NHEJ1: variants seen among roughly 807,000 people sequenced by gnomAD.
NHEJ1 encodes non-homologous end-joining factor 1.
NHEJ1 carries 22 observed loss-of-function variants against 39.4 expected under a neutral mutation model. The observed-to-expected ratio is 0.56, with a 90% CI of 0.40 to 0.80. The LOEUF (loss-of-function observed/expected upper bound fraction) is 0.80, where lower values mean the gene tolerates loss of function less well. NHEJ1 is among the 30% of genes least tolerant of loss of function. The probability of loss-of-function intolerance (pLI) is 0.00; values close to 1 mark genes in which losing one functional copy is unlikely to be tolerated. For missense variants in NHEJ1, 329 were observed against 357.1 expected (o/e 0.92, Z 0.63); for synonymous variants, 154 against 135.6 (o/e 1.14, Z -0.94).
chr2:219,153,214 C>T lies in NHEJ1; in HGVS notation c.390+4258G>A, dbSNP rs533954905. 9.9e-5 allele frequency among the ~76,000 whole-genome samples: 15 copies of T among 152,228 alleles called. No individual in the cohort carries two copies. In the East Asian group the frequency reaches 2.3e-3, roughly 23 times the overall value. On this transcript the variant is annotated intron_variant, in intron 3 of 7. Coordinates refer to ENST00000356853, the MANE Select transcript of NHEJ1 (RefSeq NM_024782.3). ...CATATGTTCTTTTATTTAATCCTTA[C>T]GACTAGACAGTAAGGTTGTGGTTGA...
At position 219,076,987 on chromosome 2, in the gene NHEJ1, G is replaced by A. The variant is rs111493672; in HGVS notation, c.825+259C>T. Among the ~76,000 whole-genome samples, 24 of 152,274 alleles carry A rather than the reference G, an allele frequency of 1.6e-4. No homozygotes were observed. The South Asian group carries it at 1.7e-3, about 11-fold the overall frequency. On this transcript the variant is annotated intron_variant, in intron 7 of 7. Coordinates refer to ENST00000356853, the MANE Select transcript of NHEJ1 (RefSeq NM_024782.3). Reference sequence around the variant, plus strand: ...CGCTGACTATCACTGGTCATCACTGGCCATCACCGGAAGTGGGATAAGGTG... The same window carrying A: ...CGCTGACTATCACTGGTCATCACTGACCATCACCGGAAGTGGGATAAGGTG...
At chr2:219,080,907 C>T (rs1353600841) in intron 5 of NHEJ1, among the ~76,000 whole-genome samples, 1 of 151,978 alleles carries the variant, frequency 6.6e-6, no homozygotes, top group East Asian at 1.9e-4. Context: ...TAAGTGGTGG[C>T]ACAGGGTTAG....
chr2:219,098,029 G>A (rs1559190131), intron 5 of NHEJ1, among the ~76,000 whole-genome samples: 1 of 152,208 alleles, frequency 6.6e-6, no homozygotes, highest in Non-Finnish European at 1.5e-5. Context: ...AAAGTATGTC[G>A]AGAAGGACTG....
intron 5 of NHEJ1, among the ~76,000 whole-genome samples, chr2:219,104,762 T>C (rs1949299381): frequency 6.6e-6 from 1 of 152,206 alleles, no homozygotes; most frequent in Non-Finnish European, 1.5e-5. Flanking sequence ...TTGAAAATGT[T>C]CTCAAGAGGG....
chr2:219,123,803 T>TA (rs1949492323), intron 5 of NHEJ1, among the ~76,000 whole-genome samples: 1 of 152,226 alleles, frequency 6.6e-6, no homozygotes, highest in Admixed American at 6.5e-5. Context: ...GAGAGGCCTG[T>TA]AGGCCTAGCC....
chr2:219,155,147 T>C (rs1949841059), intron 3 of NHEJ1, among the ~76,000 whole-genome samples: 1 of 151,694 alleles, frequency 6.6e-6, no homozygotes, highest in African/African-American at 2.4e-5. Flanking sequence ...GTCCATGTAA[T>C]GCAAAATGAG....
At chr2:219,146,609 C>G (rs1168238817) in intron 5 of NHEJ1, 71 bp downstream of exon 5, 1 of 1,248,606 alleles carries the variant, frequency 8.0e-7, no homozygotes, top group Non-Finnish European at 1.2e-6. Flanking sequence ...ACCCAAAACA[C>G]AAATGGCCAC....
chr2:219,093,735 GTTTGC>G (rs1259591756), intron 5 of NHEJ1, among the ~76,000 whole-genome samples: 1 of 145,942 alleles, frequency 6.9e-6, no homozygotes, highest in Non-Finnish European at 1.6e-5. Context: ...GGTATATAGT[GTTTGC>G]TTTATTATAT....
chr2:219,113,268 G>A (rs966090358), intron 5 of NHEJ1, among the ~76,000 whole-genome samples: 5 of 152,066 alleles, frequency 3.3e-5, no homozygotes, highest in African/African-American at 9.7e-5. Context: ...AATTTCCAAC[G>A]CTGCAGTCTC....
At chr2:219,153,705 GGAGA>G (rs71040421) in intron 3 of NHEJ1, among the ~76,000 whole-genome samples, 5 of 114,796 alleles carry the variant, frequency 4.4e-5, no homozygotes, top group African/African-American at 9.2e-5. Flanking sequence ...GGGGGGGGGT[GGAGA>G]GAGAGAGAGA....
chr2:219,159,523 A>C (rs1574751330), intron 1 of NHEJ1, among the ~76,000 whole-genome samples: 1 of 23,200 alleles, frequency 4.3e-5, no homozygotes, highest in African/African-American at 1.0e-4. Context: ...TTATATATAT[A>C]TGCATATATA....
At chr2:219,080,326 G>A (rs939830233) in intron 5 of NHEJ1, among the ~76,000 whole-genome samples, 7 of 151,854 alleles carry the variant, frequency 4.6e-5, no homozygotes, top group Non-Finnish European at 1.0e-4. Context: ...CACAACGTCA[G>A]GAGAACGAGA....
chr2:219,117,018 C>T (rs1445923465), intron 5 of NHEJ1, among the ~76,000 whole-genome samples: 1 of 152,112 alleles, frequency 6.6e-6, no homozygotes, highest in Non-Finnish European at 1.5e-5. Flanking sequence ...AGAGGCCTCT[C>T]TTCCCATCCC....
chr2:219,142,841 T>G (rs2106358988), intron 5 of NHEJ1, among the ~76,000 whole-genome samples: 1 of 152,328 alleles, frequency 6.6e-6, no homozygotes, highest in East Asian at 1.9e-4. Flanking sequence ...AGGCTTGACT[T>G]GAGTCAATAT....
Position 219,076,944 on chromosome 2 carries a change from TC to T in NHEJ1, c.825+301del, listed in dbSNP as rs1208624752. ...TAAGCAGGAGATGTAGATTCCCTTC[TC>T]CCCCAAGGAATAGCCTCGCTGACTA... On this transcript the variant is annotated intron_variant, in intron 7 of 7. Coordinates refer to ENST00000356853, the MANE Select transcript of NHEJ1 (RefSeq NM_024782.3). Among the ~76,000 whole-genome samples, 10 of 152,150 alleles carry T rather than the reference TC, an allele frequency of 6.6e-5. No individual in the cohort carries two copies. In the East Asian group the frequency reaches 1.9e-3, roughly 29 times the overall value.
chr2:219,156,934 T>C (rs2106368606), intron 3 of NHEJ1, among the ~76,000 whole-genome samples: 1 of 152,064 alleles, frequency 6.6e-6, no homozygotes, highest in East Asian at 1.9e-4. Context: ...TCATTTCTCA[T>C]GCCTTCCTAT....
At chr2:219,098,834 G>C (rs1949231514) in intron 5 of NHEJ1, among the ~76,000 whole-genome samples, 1 of 152,128 alleles carries the variant, frequency 6.6e-6, no homozygotes, top group Non-Finnish European at 1.5e-5. Context: ...TAGTCAGCAT[G>C]GTTTTATGTT....
intron 5 of NHEJ1, among the ~76,000 whole-genome samples, chr2:219,133,189 G>T (rs1361791504): frequency 6.6e-6 from 1 of 152,218 alleles, no homozygotes; most frequent in Non-Finnish European, 1.5e-5. Flanking sequence ...ACAGGACTCA[G>T]CCTTTATAGA....
At chr2:219,078,978 G>T (rs1325164156) in intron 5 of NHEJ1, among the ~76,000 whole-genome samples, 1 of 152,176 alleles carries the variant, frequency 6.6e-6, no homozygotes, top group Non-Finnish European at 1.5e-5. Flanking sequence ...GGTTCCTTAG[G>T]GAAGTGATAA....
Sources: allele counts gnomAD v4.1 joint callset (sites outside exome capture counted in the v4.1 genomes callset), GRCh38; gene constraint gnomAD v4.1.1; transcripts MANE v1.5; gene names NCBI Gene and HGNC (gene_info 2026-07-23, HGNC 2026-07-21).